Variants in WWTR1 observed in about 807,000 individuals in gnomAD.
WWTR1 encodes WW domain-containing transcription regulator protein 1.
WWTR1 carries 13 observed loss-of-function variants against 40.1 expected under a neutral mutation model. That is an observed-to-expected ratio of 0.32 (90% CI 0.21 to 0.52). The LOEUF (loss-of-function observed/expected upper bound fraction) is 0.52. Ranked by LOEUF, WWTR1 falls within the 20% of genes least tolerant of loss-of-function variation. The probability of loss-of-function intolerance (pLI) is 0.97; values close to 1 mark genes in which losing one functional copy is unlikely to be tolerated. For missense variants in WWTR1, 436 were observed against 523.1 expected, an observed-to-expected ratio of 0.83 and a Z score of 1.63; for synonymous variants, 230 against 210.1, an observed-to-expected ratio of 1.09 and a Z score of -0.82.
intron 2 of WWTR1, among the ~76,000 whole-genome samples, chr3:149,637,957 C>T (rs1240057936): frequency 6.6e-6 from 1 of 152,182 alleles, no homozygotes; most frequent in African/African-American, 2.4e-5. Context: ...TGGCTCACGC[C>T]TGTAATCCCA....
In WWTR1 at chr3:149,651,898, C is replaced by T. The variant is rs537601120; in HGVS notation, c.431+4978G>A. Reference sequence around the variant, plus strand: ...AGGCTGGAGTGCAGTGGCGCGATCTCGGCTCACTGCAAGCTCCGCCTCCGG... The same window carrying T: ...AGGCTGGAGTGCAGTGGCGCGATCTTGGCTCACTGCAAGCTCCGCCTCCGG... On this transcript the variant is annotated intron_variant, in intron 2 of 6. Coordinates refer to ENST00000360632, the MANE Select transcript of WWTR1 (RefSeq NM_015472.6). Among the ~76,000 whole-genome samples the T allele has an allele frequency of 3.4e-5, 5 of 144,964 alleles. No homozygotes were observed. The South Asian group carries it at 8.8e-4, about 25-fold the overall frequency.
At chr3:149,565,946 A>G (rs901529995) in intron 3 of WWTR1, among the ~76,000 whole-genome samples, 10 of 151,850 alleles carry the variant, frequency 6.6e-5, no homozygotes, top group African/African-American at 2.2e-4. Flanking sequence ...AAAAAAAAAA[A>G]AAGAATCTCC....
rs571481827 is a variant in WWTR1, at chr3:149,640,892, C to T, written c.431+15984G>A. Among the ~76,000 whole-genome samples, 690 of 152,282 alleles carry T rather than the reference C, an allele frequency of 4.5e-3. 5 individuals are homozygous for T. Among genetic ancestry groups the T allele is most frequent in the African/African-American group, 0.015 (628 of 41,544 alleles). The stretch of plus-strand genomic sequence containing the variant: ...TTGTGGTTGCTTTATTTTGTATTTA[C>T]TATACAGATGTATTCTTTATTGTGA... On this transcript the variant is annotated intron_variant, in intron 2 of 6. Transcript: ENST00000360632.
chr3:149,627,059 T>C lies in WWTR1; in HGVS notation c.431+29817A>G, dbSNP rs543120566. 1.1e-4 allele frequency among the ~76,000 whole-genome samples: 17 copies of C among 152,192 alleles called. No individual in the cohort carries two copies. The East Asian group carries it at 3.3e-3, about 29-fold the overall frequency. On this transcript the variant is annotated intron_variant, in intron 2 of 6. Transcript: ENST00000360632. ...ACCTAGGGTCATCAGATTTAGCAAA[T>C]AAAAATGCAAGATGCCCAGCTAAAT...
chr3:149,645,118 C>T (rs533832074), intron 2 of WWTR1, among the ~76,000 whole-genome samples: 44 of 131,514 alleles, frequency 3.3e-4, no homozygotes, highest in African/African-American at 9.0e-4. Context: ...CTCGATCTGT[C>T]GCCCAGGCTG....
chr3:149,704,557 C>A (rs549484320), upstream of WWTR1, among the ~76,000 whole-genome samples: 2 of 152,244 alleles, frequency 1.3e-5, no homozygotes, highest in African/African-American at 4.8e-5. Context: ...ATTCTCAGTC[C>A]AAATTCAACC....
chr3:149,551,154 G>A (rs1325911742), intron 3 of WWTR1, among the ~76,000 whole-genome samples: 1 of 144,044 alleles, frequency 6.9e-6, no homozygotes, highest in Non-Finnish European at 1.5e-5. Context: ...AAAATTAGCT[G>A]GGCATAGTGG....
chr3:149,615,882 G>C (rs1194277926), intron 2 of WWTR1, among the ~76,000 whole-genome samples: 1 of 152,132 alleles, frequency 6.6e-6, no homozygotes, highest in African/African-American at 2.4e-5. Flanking sequence ...CTGTTTCATT[G>C]TCACTTGCAG....
chr3:149,594,840 C>A (rs2108037836), intron 2 of WWTR1, among the ~76,000 whole-genome samples: 1 of 145,536 alleles, frequency 6.9e-6, no homozygotes. Flanking sequence ...GGTTAATTTT[C>A]TTGGGTATAA....
chr3:149,721,007 T>G lies in WWTR1; in HGVS notation n.459+3073A>C, dbSNP rs79788825. Reference sequence around the variant, plus strand: ...GCTGAATTTATTAATTGTAACTTTTTTGTGTGTGGAATCTTCAGGGTTTTC... The same window carrying G: ...GCTGAATTTATTAATTGTAACTTTTGTGTGTGTGGAATCTTCAGGGTTTTC... On this transcript the variant is annotated intron_variant and non_coding_transcript_variant, in intron 4 of 6. Coordinates refer to the WWTR1 transcript ENST00000474080. Among the ~76,000 whole-genome samples the G allele has an allele frequency of 1.5e-3, 225 of 152,302 alleles. 1 individual carries two copies. The East Asian group carries it at 0.042, about 28-fold the overall frequency.
chr3:149,698,624 A>AG (rs1270982027), intron 1 of WWTR1, among the ~76,000 whole-genome samples: 1 of 152,210 alleles, frequency 6.6e-6, no homozygotes, highest in East Asian at 1.9e-4. Flanking sequence ...GTTTCTCTCT[A>AG]GGGGCTCCAC....
chr3:149,541,406 CTGAA>C (rs377164664), intron 4 of WWTR1, among the ~76,000 whole-genome samples: 573 of 152,346 alleles, frequency 3.8e-3, no homozygotes, highest in Middle Eastern at 6.8e-3. Flanking sequence ...GGAATGAAAA[CTGAA>C]TGAATGGAGT....
intron 2 of WWTR1, among the ~76,000 whole-genome samples, chr3:149,612,920 C>T (rs1350818950): frequency 6.6e-6 from 1 of 152,154 alleles, no homozygotes; most frequent in African/African-American, 2.4e-5. Flanking sequence ...CCTTTACCTG[C>T]TTGCTTTACA....
At chr3:149,666,718 T>A (rs1384819947) in intron 2 of WWTR1, among the ~76,000 whole-genome samples, 1 of 152,196 alleles carries the variant, frequency 6.6e-6, no homozygotes, top group African/African-American at 2.4e-5. Context: ...TTAGAAAAGT[T>A]TATGTCTTGC....
intron 3 of WWTR1, among the ~76,000 whole-genome samples, chr3:149,571,312 T>C (rs1406950990): frequency 6.6e-6 from 1 of 151,642 alleles, no homozygotes; most frequent in East Asian, 1.9e-4. Context: ...TAATAATCAG[T>C]TTTTAGAATT....
chr3:149,713,507 A>G, intron 5 of WWTR1, among the ~76,000 whole-genome samples: 1 of 151,956 alleles, frequency 6.6e-6, no homozygotes, highest in Admixed American at 6.6e-5. Context: ...CAGCCTCCCA[A>G]GTAGCTGGGA....
intron 2 of WWTR1, chr3:149,649,953 A>T (rs1028481968): frequency 6.6e-6 from 1 of 151,794 alleles, no homozygotes; most frequent in Admixed American, 6.6e-5. Flanking sequence ...GTAGAGACAG[A>T]ATCTCGCTAT....
At chr3:149,700,194 A>G (rs978575394) in intron 1 of WWTR1, among the ~76,000 whole-genome samples, 2 of 152,138 alleles carry the variant, frequency 1.3e-5, no homozygotes, top group African/African-American at 4.8e-5. Flanking sequence ...TGGCTGAGCA[A>G]GGTGGCTTAG....
chr3:149,524,225 C>T (rs1037580104), intron 6 of WWTR1, among the ~76,000 whole-genome samples: 17 of 151,994 alleles, frequency 1.1e-4, no homozygotes, highest in Admixed American at 3.3e-4. Context: ...CTTTTCAGGA[C>T]GTCATTTAAT....
Sources: allele counts gnomAD v4.1 joint callset (sites outside exome capture counted in the v4.1 genomes callset), GRCh38; gene constraint gnomAD v4.1.1; transcripts MANE v1.5; gene names NCBI Gene and HGNC (gene_info 2026-07-23, HGNC 2026-07-21).